KCNQ4: variants seen among roughly 807,000 people sequenced by gnomAD.
KCNQ4 encodes the protein potassium voltage-gated channel subfamily KQT member 4.
A neutral mutation model predicts 72.6 loss-of-function variants in KCNQ4; 31 were observed. The observed-to-expected ratio is 0.43, with a 90% CI of 0.32 to 0.58. KCNQ4 has a LOEUF of 0.58. Among genes scored for constraint, KCNQ4 ranks in the 20% least tolerant of loss-of-function variants. KCNQ4 has a pLI of 0.08. For missense variants in KCNQ4, 869 were observed against 962.6 expected, an observed-to-expected ratio of 0.90 and a Z score of 1.29; for synonymous variants, 405 against 403.7, an observed-to-expected ratio of 1.00 and a Z score of -0.04.
rs186581339 is a variant in KCNQ4, at chr1:40,838,198, A to T, written c.1876-113A>T. 3.3e-6 allele frequency: 3 copies of T among 908,338 alleles called. No individual in the cohort carries two copies. In the East Asian group the frequency reaches 7.8e-5, roughly 24 times the overall value. The allele number at this position is 908,338 out of a possible 1,614,324, so 56.3% of individuals were successfully genotyped here. ...TTTCCAGGCGGGATTTGTGCTTCCC[A>T]GATAAGCCCCGCCCACTCCACCGGC... is the stretch of plus-strand genomic sequence containing the variant. On this transcript the variant is annotated intron_variant, in intron 13 of 13. Coordinates refer to ENST00000347132, the MANE Select transcript of KCNQ4 (RefSeq NM_004700.4).
In KCNQ4 at chr1:40,838,628, A is replaced by C; in HGVS notation, c.*105A>C. On this transcript the variant is annotated 3_prime_UTR_variant, in exon 14 of 14. Transcript: ENST00000347132. ...CTCTCGTACTTGAACTCACTCCCTC[A>C]CGGGGAGAGAGACCACACGCAGTAT... is the stretch of plus-strand genomic sequence containing the variant. 10 of 1,049,242 alleles carry C rather than the reference A, an allele frequency of 9.5e-6. No homozygotes were observed. The highest frequency in any genetic ancestry group is 1.3e-5 in the Non-Finnish European group (9 of 681,254). The allele number at this position is 1,049,242 out of a possible 1,614,324, so 65.0% of individuals were successfully genotyped here. A position where few individuals can be genotyped will look rare whatever the true frequency, so the allele number is the denominator to read the frequency against.
In KCNQ4 at chr1:40,837,233, A is replaced by G. The variant is rs117638064; in HGVS notation, c.1746-432A>G. On this transcript the variant is annotated intron_variant, in intron 12 of 13. Transcript: ENST00000347132. ...CTCCTAAGTAGCTGGGACCACAGGC[A>G]TGAGCTACCATGTCCAGCTAATTTT... is the stretch of plus-strand genomic sequence containing the variant. 3.7e-3 allele frequency among the ~76,000 whole-genome samples: 570 copies of G among 152,186 alleles called. 21 individuals are homozygous for G. In the East Asian group the frequency reaches 0.082, roughly 22 times the overall value.
intron 6 of KCNQ4, 26 bp downstream of exon 6, chr1:40,820,011 G>A (rs750663835): frequency 8.8e-6 from 14 of 1,598,150 alleles, no homozygotes; most frequent in Non-Finnish European, 1.1e-5. Context: ...CTCAGTTGGT[G>A]GGGGAGGCTG....
intron 9 of KCNQ4, among the ~76,000 whole-genome samples, chr1:40,828,092 G>A (rs769309948): frequency 2.6e-5 from 4 of 152,166 alleles, no homozygotes; most frequent in African/African-American, 7.2e-5. Context: ...CCCTGAAGAG[G>A]GGCTGTATGT....
intron 1 of KCNQ4, among the ~76,000 whole-genome samples, chr1:40,808,555 A>C (rs763058298): frequency 2.0e-5 from 3 of 151,860 alleles, no homozygotes; most frequent in East Asian, 1.9e-4. Context: ...CACTTCTGAG[A>C]GTTGGGCCTT....
rs905612913 is a variant in KCNQ4, at chr1:40,784,164, T to C, written c.71T>C (p.Val24Ala). Residue 24 changes from valine to alanine, a missense_variant, in exon 1 of 14, where the codon GTG becomes GCG. Around this residue, in one of 5 missense-constraint regions of KCNQ4, gnomAD observed 178 missense variants for 145.3 expected, o/e 1.22. Coordinates refer to ENST00000347132, the MANE Select transcript of KCNQ4 (RefSeq NM_004700.4). This position sits in a 1 kb window ranked among gnomAD's most constrained non-coding sequence, Gnocchi z 4.1. ...PPGDAPRAEL[V>A]ALTAVQSEQG... is the part of the protein sequence containing the mutation. ...GGGGACGCCCCCCGCGCGGAGCTAG[T>C]GGCGCTCACGGCCGTGCAGAGCGAA... The C allele has an allele frequency of 1.3e-5, 14 of 1,095,632 alleles. No homozygotes were observed. The highest frequency in any genetic ancestry group is 1.7e-5 in the African/African-American group (1 of 58,190). The allele number at this position is 1,095,632 out of a possible 1,614,324, so 67.9% of individuals were successfully genotyped here. A position where few individuals can be genotyped will look rare whatever the true frequency, so the allele number is the denominator to read the frequency against.
chr1:40,800,005 G>A lies in KCNQ4; in HGVS notation c.314+15598G>A, dbSNP rs550962737. On this transcript the variant is annotated intron_variant, in intron 1 of 13. Transcript: ENST00000347132. ...CTCTATGCCAGCCTATATGGCCCTGGCATATCAACCCAGAGCCTGTACATG... is the reference window on the plus strand; with the variant it reads ...CTCTATGCCAGCCTATATGGCCCTGACATATCAACCCAGAGCCTGTACATG... 3.9e-5 allele frequency among the ~76,000 whole-genome samples: 6 copies of A among 152,304 alleles called. No homozygotes were observed. In the South Asian group the frequency reaches 1.0e-3, roughly 26 times the overall value.
chr1:40,829,778 A>G (rs983433524), intron 9 of KCNQ4, among the ~76,000 whole-genome samples: 1 of 152,120 alleles, frequency 6.6e-6, no homozygotes, highest in Admixed American at 6.5e-5. Context: ...GTCCCCCTGA[A>G]CCCGAACCTG....
At chr1:40,828,410 C>T (rs947345915) in intron 9 of KCNQ4, among the ~76,000 whole-genome samples, 7 of 152,190 alleles carry the variant, frequency 4.6e-5, no homozygotes, top group African/African-American at 1.7e-4. Flanking sequence ...TTGGCCTCTA[C>T]CTACTAGATG....
At chr1:40,829,496 C>T (rs775417487) in intron 9 of KCNQ4, among the ~76,000 whole-genome samples, 1 of 152,150 alleles carries the variant, frequency 6.6e-6, no homozygotes, top group Non-Finnish European at 1.5e-5. Flanking sequence ...GATGGCCCTA[C>T]ATCCTGGCCA....
Position 40,784,700 on chromosome 1 carries a change from C to A in KCNQ4, c.314+293C>A, listed in dbSNP as rs953269264. Among the ~76,000 whole-genome samples the A allele has an allele frequency of 3.3e-5, 5 of 152,238 alleles. No homozygotes were observed. The highest frequency in any genetic ancestry group is 5.9e-5 in the Non-Finnish European group (4 of 68,038). ...CCTCTGTCCCAGGTACTCCCGACCG[C>A]CAGCTGCCTCCCCCAAGTCCGCTTG... is the stretch of plus-strand genomic sequence containing the variant. On this transcript the variant is annotated intron_variant, in intron 1 of 13. Transcript: ENST00000347132. The surrounding 1 kb of genome is among the most constrained non-coding windows in gnomAD (Gnocchi z 4.1).
At chr1:40,808,932 C>T (rs1647845807) in intron 1 of KCNQ4, among the ~76,000 whole-genome samples, 1 of 152,222 alleles carries the variant, frequency 6.6e-6, no homozygotes, top group African/African-American at 2.4e-5. Context: ...CCTACACTTA[C>T]TGTCTCTACC....
At chr1:40,816,809 T>C (rs1648098454) in intron 1 of KCNQ4, among the ~76,000 whole-genome samples, 1 of 152,236 alleles carries the variant, frequency 6.6e-6, no homozygotes, top group African/African-American at 2.4e-5. Flanking sequence ...GCCAGGCTCC[T>C]GCCACTTTGG....
In KCNQ4 at chr1:40,824,127, A is replaced by G. The variant is rs1330080560; in HGVS notation, c.1161A>G (p.Gln387=). Residue 387 remains glutamine, a synonymous_variant, in exon 9 of 14, where the codon CAA becomes CAG. Transcript: ENST00000347132. The part of the protein sequence containing the change: ...RELALLFEHV[Q]RARNGGLRPL... ...TGGCCCTCTTGTTTGAGCACGTGCA[A>G]CGGGCCCGCAATGGGGGCCTACGGC... The G allele has an allele frequency of 1.3e-6, 2 of 1,559,518 alleles. No homozygotes were observed. Among genetic ancestry groups the G allele is most frequent in the African/African-American group, 1.4e-5 (1 of 73,554 alleles).
At chr1:40,823,636 G>A (rs1218976517) in intron 8 of KCNQ4, among the ~76,000 whole-genome samples, 2 of 152,288 alleles carry the variant, frequency 1.3e-5, no homozygotes, top group South Asian at 2.1e-4. Flanking sequence ...CCACGGTCCC[G>A]AATCTAGTCT....
At chr1:40,824,659 T>G (rs1029330507) in intron 9 of KCNQ4, among the ~76,000 whole-genome samples, 1 of 152,192 alleles carries the variant, frequency 6.6e-6, no homozygotes, top group African/African-American at 2.4e-5. Context: ...CAGGTAATCG[T>G]GGGCACCATC....
chr1:40,825,170 T>A (rs527498739), intron 9 of KCNQ4, among the ~76,000 whole-genome samples: 73 of 152,216 alleles, frequency 4.8e-4, no homozygotes, highest in African/African-American at 1.6e-3. Flanking sequence ...ACCCATCTCT[T>A]TGTTTTGTCT....
intron 1 of KCNQ4, among the ~76,000 whole-genome samples, chr1:40,797,057 G>A (rs752577277): frequency 1.3e-4 from 20 of 152,366 alleles, no homozygotes; most frequent in South Asian, 4.1e-4. Context: ...AAGTTCAGCT[G>A]CTTATGCCAG....
rs1647179908 is a variant in KCNQ4, at chr1:40,784,079, A to C, written c.-15A>C. The C allele has an allele frequency of 3.2e-6, 1 of 310,080 alleles. No homozygotes were observed. The highest frequency in any genetic ancestry group is 2.3e-5 in the African/African-American group (1 of 43,098). The allele number at this position is 310,080 out of a possible 1,614,324, so 19.2% of individuals were successfully genotyped here. A position where few individuals can be genotyped will look rare whatever the true frequency, so the allele number is the denominator to read the frequency against. On this transcript the variant is annotated 5_prime_UTR_variant, in exon 1 of 14. Coordinates refer to ENST00000347132, the MANE Select transcript of KCNQ4 (RefSeq NM_004700.4). The surrounding 1 kb of genome is among the most constrained non-coding windows in gnomAD (Gnocchi z 4.1). ...ACCGTGCCCGGGCCCCGGCGCCCCC[A>C]GCCCGGCGCCGCCCATGGCCGAGGC...
Sources: allele counts gnomAD v4.1 joint callset (sites outside exome capture counted in the v4.1 genomes callset), GRCh38; gene constraint gnomAD v4.1.1; regional missense constraint gnomAD v4.1.1; non-coding constraint Gnocchi (gnomAD v3.1); transcripts MANE v1.5; gene names NCBI Gene and HGNC (gene_info 2026-07-23, HGNC 2026-07-21).